ROBO2: variants seen among roughly 807,000 people sequenced by gnomAD.
ROBO2 encodes the protein roundabout homolog 2.
In ROBO2, 53 loss-of-function variants were observed where a neutral mutation model predicts 160.8. That is an observed-to-expected ratio of 0.33 (90% CI 0.26 to 0.41). The LOEUF (loss-of-function observed/expected upper bound fraction) is 0.41, where lower values mean the gene tolerates loss of function less well. Ranked by LOEUF, ROBO2 falls within the 10% of genes least tolerant of loss-of-function variation. ROBO2 has a pLI of 1.00. For missense variants in ROBO2, 1,577 were observed against 1,722.4 expected (o/e 0.92, Z 1.49); for synonymous variants, 664 against 611.7 (o/e 1.09, Z -1.26).
intron 2 of ROBO2, among the ~76,000 whole-genome samples, chr3:77,463,501 G>C (rs1394633448): frequency 6.6e-6 from 1 of 151,936 alleles, no homozygotes; most frequent in African/African-American, 2.4e-5. Flanking sequence ...CATAGTAATT[G>C]ATTGACCCCA....
At chr3:77,069,123 G>T (rs186092649) in intron 1 of ROBO2, among the ~76,000 whole-genome samples, 2 of 152,124 alleles carry the variant, frequency 1.3e-5, no homozygotes, top group Non-Finnish European at 2.9e-5. Context: ...AGTCTTGCTC[G>T]TTAAGAGAGA....
intron 2 of ROBO2, among the ~76,000 whole-genome samples, chr3:76,841,047 G>A (rs188382886): frequency 6.6e-6 from 1 of 152,222 alleles, no homozygotes; most frequent in African/African-American, 2.4e-5. Context: ...GTAGAAAGGC[G>A]ATACACAAGG....
intron 2 of ROBO2, among the ~76,000 whole-genome samples, chr3:77,368,559 A>G (rs2153474822): frequency 6.6e-6 from 1 of 152,308 alleles, no homozygotes; most frequent in South Asian, 2.1e-4. Context: ...ATTTAATGTT[A>G]TACTTTTCTG....
At chr3:76,616,899 T>C (rs2088629496) in intron 2 of ROBO2, among the ~76,000 whole-genome samples, 1 of 152,144 alleles carries the variant, frequency 6.6e-6, no homozygotes, top group African/African-American at 2.4e-5. Context: ...TAGCTGTGAC[T>C]ACAGGCATGT....
chr3:77,571,669 A>C (rs1056936571), intron 13 of ROBO2, among the ~76,000 whole-genome samples: 2 of 152,006 alleles, frequency 1.3e-5, no homozygotes, highest in Non-Finnish European at 2.9e-5. Flanking sequence ...TAAACCCATG[A>C]ATCTGTGGTC....
chr3:75,936,460 T>G (rs76182030), intron 1 of ROBO2, among the ~76,000 whole-genome samples: 1 of 152,186 alleles, frequency 6.6e-6, no homozygotes, highest in Non-Finnish European at 1.5e-5. Context: ...TAAAATTCCA[T>G]CTGCTAACCA....
intron 2 of ROBO2, among the ~76,000 whole-genome samples, chr3:76,647,520 T>C (rs2091036078): frequency 2.6e-5 from 4 of 152,042 alleles, no homozygotes; most frequent in African/African-American, 7.3e-5. Flanking sequence ...AAAGAAAAAA[T>C]TGAAAATGGT....
intron 2 of ROBO2, among the ~76,000 whole-genome samples, chr3:77,237,136 G>A (rs1300032358): frequency 6.7e-6 from 1 of 150,296 alleles, no homozygotes; most frequent in Non-Finnish European, 1.5e-5. Context: ...GACTCCCAAA[G>A]TGCTGGGCTT....
At chr3:75,949,446 G>T (rs1390814083) in intron 2 of ROBO2, among the ~76,000 whole-genome samples, 1 of 152,038 alleles carries the variant, frequency 6.6e-6, no homozygotes, top group Non-Finnish European at 1.5e-5. Flanking sequence ...CCCTTTTGAG[G>T]TTACTGATTT....
At chr3:76,483,324 T>C (rs987094945) in intron 2 of ROBO2, among the ~76,000 whole-genome samples, 1 of 148,408 alleles carries the variant, frequency 6.7e-6, no homozygotes, top group Non-Finnish European at 1.5e-5. Flanking sequence ...TTTTTTTCAA[T>C]TTCAACTTTT....
chr3:76,077,528 A>T lies in ROBO2; in HGVS notation c.109+139926A>T, dbSNP rs145697023. On this transcript the variant is annotated intron_variant, in intron 2 of 26. Coordinates refer to the ROBO2 transcript ENST00000487694. ...CAGTGAACCAAGATCGTGCCACTGCACTCCAACCTGGGTGACAAAGCGAGA... is the reference window on the plus strand; with the variant it reads ...CAGTGAACCAAGATCGTGCCACTGCTCTCCAACCTGGGTGACAAAGCGAGA... 3.0e-4 allele frequency among the ~76,000 whole-genome samples: 46 copies of T among 152,268 alleles called. 3 individuals are homozygous for T. The East Asian group carries it at 8.5e-3, about 28-fold the overall frequency.
At chr3:77,313,677 TC>T (rs1054254160) in intron 2 of ROBO2, among the ~76,000 whole-genome samples, 1 of 152,060 alleles carries the variant, frequency 6.6e-6, no homozygotes, top group African/African-American at 2.4e-5. Context: ...CTCCGCCTCT[TC>T]GTTTCAAGCA....
intron 2 of ROBO2, among the ~76,000 whole-genome samples, chr3:77,115,479 G>T (rs2074107115): frequency 6.6e-6 from 1 of 152,026 alleles, no homozygotes; most frequent in Non-Finnish European, 1.5e-5. Flanking sequence ...ATATTTTTCT[G>T]CCACAAAACA....
intron 2 of ROBO2, among the ~76,000 whole-genome samples, chr3:76,405,879 G>C (rs536225455): frequency 6.6e-6 from 1 of 151,844 alleles, no homozygotes; most frequent in East Asian, 1.9e-4. Flanking sequence ...TTTTGAAAAT[G>C]ATTTGCTCAT....
rs577320799 is a variant in ROBO2 at position 76,948,453 on chromosome 3, A to C, written c.110-149561A>C. Among the ~76,000 whole-genome samples, 29 of 151,938 alleles carry C rather than the reference A, an allele frequency of 1.9e-4. No individual in the cohort carries two copies. In the East Asian group the frequency reaches 5.6e-3, roughly 29 times the overall value. On this transcript the variant is annotated intron_variant, in intron 2 of 26. Coordinates refer to the ROBO2 transcript ENST00000487694. Reference sequence around the variant, plus strand: ...TTATTTTAACCATTCGTATTTTAATATCACTCATTGTCTTTCTGTGCTACA... The same window carrying C: ...TTATTTTAACCATTCGTATTTTAATCTCACTCATTGTCTTTCTGTGCTACA...
At chr3:76,272,833 ATATATAT>A (rs1278222250) in intron 2 of ROBO2, among the ~76,000 whole-genome samples, 2 of 2,036 alleles carry the variant, frequency 9.8e-4, no homozygotes, top group African/African-American at 1.4e-3. Flanking sequence ...TATATAAAAT[ATATATAT>A]TATATATTAT....
At chr3:76,043,653 C>T (rs1194303685) in intron 2 of ROBO2, among the ~76,000 whole-genome samples, 5 of 138,040 alleles carry the variant, frequency 3.6e-5, no homozygotes, top group Non-Finnish European at 6.3e-5. Flanking sequence ...AAAACCACAC[C>T]AAAAAACCAA....
intron 2 of ROBO2, among the ~76,000 whole-genome samples, chr3:77,467,884 G>A (rs1282766824): frequency 1.3e-5 from 2 of 152,222 alleles, no homozygotes; most frequent in African/African-American, 4.8e-5. Context: ...GGTGCTGAAA[G>A]ACAGTTGCCT....
chr3:76,495,246 T>A (rs1187424233), intron 2 of ROBO2, among the ~76,000 whole-genome samples: 2 of 151,580 alleles, frequency 1.3e-5, no homozygotes, highest in African/African-American at 4.8e-5. Flanking sequence ...TTCTGGAGTT[T>A]AAGACACACA....
Sources: allele counts gnomAD v4.1 joint callset (sites outside exome capture counted in the v4.1 genomes callset), GRCh38; gene constraint gnomAD v4.1.1; transcripts MANE v1.5; gene names NCBI Gene and HGNC (gene_info 2026-07-23, HGNC 2026-07-21).